Variants in SAA2 observed in about 807,000 individuals in gnomAD.
SAA2 encodes serum amyloid A2.
A neutral mutation model predicts 9.1 loss-of-function variants in SAA2; 5 were observed. The observed-to-expected ratio is 0.55, with a 90% CI of 0.29 to 1.16. The LOEUF (loss-of-function observed/expected upper bound fraction) is 1.16, where lower values mean the gene tolerates loss of function less well. Ranked by LOEUF, SAA2 falls within the 50% of genes most tolerant of loss-of-function variation. The pLI is 0.09. For missense variants in SAA2, 94 were observed against 153.8 expected, an observed-to-expected ratio of 0.61 and a Z score of 2.06; for synonymous variants, 49 against 59.8, an observed-to-expected ratio of 0.82 and a Z score of 0.83.
intron 2 of SAA2, among the ~76,000 whole-genome samples, chr11:18,247,191 C>T (rs1332309905): frequency 6.6e-6 from 1 of 152,194 alleles, no homozygotes; most frequent in Non-Finnish European, 1.5e-5. Flanking sequence ...CTTGTGGGGG[C>T]TTGAGGCACG....
At chr11:18,245,590 T>C in intron 3 of SAA2, 75 bp from the exon 4 acceptor site, 1 of 1,569,260 alleles carries the variant, frequency 6.4e-7, no homozygotes, top group Non-Finnish European at 8.7e-7. Flanking sequence ...ATTCTCCCCG[T>C]TCCAAGGGAG....
At chr11:18,240,301 A>G (rs929617200), downstream of SAA2, 1 of 702,352 alleles carries the variant, frequency 1.4e-6, no homozygotes, top group African/African-American at 1.7e-5. Flanking sequence ...AAATAATGAG[A>G]TTTCATGGAG....
chr11:18,241,527 T>A (rs1213489434), downstream of SAA2, among the ~76,000 whole-genome samples: 2 of 152,194 alleles, frequency 1.3e-5, no homozygotes, highest in Non-Finnish European at 2.9e-5. Context: ...GAGGGGTGTG[T>A]GTGTATGTCT....
downstream of SAA2, chr11:18,240,431 C>A: frequency 1.6e-6 from 1 of 628,432 alleles, no homozygotes; most frequent in Admixed American, 2.7e-5. Flanking sequence ...AATAATCAGC[C>A]TACCAGGGTA....
At chr11:18,245,566 CA>C (rs1857484967) in intron 3 of SAA2, 51 bp from the exon 4 acceptor site, 1 of 1,597,006 alleles carries the variant, frequency 6.3e-7, no homozygotes, top group African/African-American at 1.3e-5. Context: ...CAGTGAGCAA[CA>C]GCTCACCCTC....
At chr11:18,239,677 T>G in exon 4 of SAA2, 1 of 423,830 alleles carries the variant, frequency 2.4e-6, no homozygotes, top group Non-Finnish European at 4.2e-6. Flanking sequence ...TTTCCTAGTT[T>G]TCCTCCTTTC....
downstream of SAA2, chr11:18,245,237 A>G (rs909319770): frequency 6.8e-7 from 1 of 1,470,964 alleles, no homozygotes; most frequent in African/African-American, 1.4e-5. Context: ...CTGTTTCAAC[A>G]AATTCCACCT....
chr11:18,238,676 C>G (rs143363385), downstream of SAA2, among the ~76,000 whole-genome samples: 2 of 152,252 alleles, frequency 1.3e-5, no homozygotes, highest in African/African-American at 4.8e-5. Flanking sequence ...CAATTATACT[C>G]TTTTGGTTAT....
downstream of SAA2, among the ~76,000 whole-genome samples, chr11:18,244,019 T>C (rs898896182): frequency 2.6e-5 from 4 of 152,220 alleles, no homozygotes; most frequent in African/African-American, 7.2e-5. Flanking sequence ...TTTCAGCTCC[T>C]GCAGTACTCT....
chr11:18,245,136 ACATAGGCCTAC>A, downstream of SAA2: 2 of 815,650 alleles, frequency 2.5e-6, no homozygotes, highest in Non-Finnish European at 3.7e-6. Flanking sequence ...ACATCCAAAC[ACATAGGCCTAC>A]CTAGGCTCAC....
At chr11:18,240,395 A>T, downstream of SAA2, 1 of 673,290 alleles carries the variant, frequency 1.5e-6, no homozygotes, top group Non-Finnish European at 2.7e-6. Flanking sequence ...CTCTTCCAGC[A>T]TCTGCTGCCT....
At chr11:18,244,040 A>C (rs995107104), downstream of SAA2, among the ~76,000 whole-genome samples, 1 of 152,228 alleles carries the variant, frequency 6.6e-6, no homozygotes, top group Non-Finnish European at 1.5e-5. Flanking sequence ...TCTCCTGTAC[A>C]GGACAACCAG....
At chr11:18,247,109 T>C (rs1267637942) in intron 2 of SAA2, among the ~76,000 whole-genome samples, 1 of 152,278 alleles carries the variant, frequency 6.6e-6, no homozygotes, top group Non-Finnish European at 1.5e-5. Context: ...AAGTCTCAGC[T>C]TTCTCACCTT....
downstream of SAA2, among the ~76,000 whole-genome samples, chr11:18,244,869 G>A (rs983058284): frequency 2.0e-5 from 3 of 152,172 alleles, no homozygotes; most frequent in Non-Finnish European, 2.9e-5. Flanking sequence ...AGGAAGACTC[G>A]GGTGGCAGTC....
At chr11:18,241,685 T>C (rs1857350355), downstream of SAA2, among the ~76,000 whole-genome samples, 1 of 152,108 alleles carries the variant, frequency 6.6e-6, no homozygotes, top group African/African-American at 2.4e-5. Context: ...CACTTATAAA[T>C]GGGAGCTAAA....
chr11:18,242,712 G>T (rs1402956706), downstream of SAA2: 1 of 688,456 alleles, frequency 1.5e-6, no homozygotes, highest in Middle Eastern at 3.5e-4. Flanking sequence ...CAAGTGTCAT[G>T]GCGCACATCT....
exon 4 of SAA2, chr11:18,239,531 G>C: frequency 2.5e-6 from 1 of 396,948 alleles, no homozygotes; most frequent in Non-Finnish European, 4.4e-6. Flanking sequence ...TAGTTCTCCA[G>C]ACCTTCTCCT....
intron 3 of SAA2, chr11:18,240,014 T>G: frequency 6.5e-7 from 1 of 1,548,952 alleles, no homozygotes; most frequent in South Asian, 1.2e-5. Flanking sequence ...ATACACGTAT[T>G]TTAACATGCA....
downstream of SAA2, among the ~76,000 whole-genome samples, chr11:18,244,513 A>C (rs1407934296): frequency 1.3e-5 from 2 of 152,186 alleles, no homozygotes; most frequent in Non-Finnish European, 2.9e-5. Flanking sequence ...ATACCTTCTC[A>C]TATTCTGTAC....
Sources: gnomAD v4.1 joint callset for allele counts (sites outside exome capture counted in the v4.1 genomes callset) on GRCh38, gnomAD v4.1.1 for gene constraint, MANE v1.5 for transcripts, NCBI Gene and HGNC (gene_info 2026-07-23, HGNC 2026-07-21) for gene names.